The following VPS13B variants were observed in gnomAD, a reference collection of about 807,000 sequenced individuals.
The protein encoded by VPS13B is intermembrane lipid transfer protein VPS13B.
Under a neutral mutation model 426.4 loss-of-function variants are expected in VPS13B, and 285 were observed. The observed-to-expected ratio is 0.67, with a 90% CI of 0.61 to 0.74. The LOEUF (loss-of-function observed/expected upper bound fraction) is 0.74. VPS13B is among the 30% of genes least tolerant of loss of function. The pLI is 0.00. For synonymous variants in VPS13B, 1,676 were observed against 1,676.4 expected, an observed-to-expected ratio of 1.00 and a Z score of 0.01; for missense variants, 4,537 against 4,782.6, an observed-to-expected ratio of 0.95 and a Z score of 1.51.
chr8:99,118,539 C>G (rs921341707), intron 7 of VPS13B, among the ~76,000 whole-genome samples: 6 of 151,956 alleles, frequency 3.9e-5, no homozygotes, highest in Non-Finnish European at 8.8e-5. Context: ...CTAGTCATTC[C>G]CCTTTCACCT....
At chr8:99,859,207 G>GA (rs1454781321) in intron 56 of VPS13B, 97 bp from the exon 57 acceptor site, 10 of 1,463,818 alleles carry the variant, frequency 6.8e-6, no homozygotes, top group Non-Finnish European at 8.6e-6. Flanking sequence ...ATTCTAGTGT[G>GA]AAAAATGAAT....
intron 23 of VPS13B, among the ~76,000 whole-genome samples, chr8:99,462,086 C>CCCTT (rs1044962030): frequency 6.6e-6 from 1 of 150,492 alleles, no homozygotes; most frequent in Non-Finnish European, 1.5e-5. Context: ...TCCCCTCCCT[C>CCCTT]CCTTCCTTCC....
chr8:99,098,228 G>A (rs1310351857), intron 4 of VPS13B, among the ~76,000 whole-genome samples: 1 of 151,962 alleles, frequency 6.6e-6, no homozygotes, highest in Admixed American at 6.6e-5. Flanking sequence ...TTCTCTCCAG[G>A]TTTTATGGCT....
intron 25 of VPS13B, among the ~76,000 whole-genome samples, chr8:99,499,843 A>G (rs747473412): frequency 3.3e-5 from 5 of 152,306 alleles, no homozygotes; most frequent in East Asian, 3.9e-4. Context: ...TTACTTTGCT[A>G]TGCTTGGTGC....
chr8:99,045,866 G>A (rs1170009867), intron 3 of VPS13B, among the ~76,000 whole-genome samples: 1 of 152,036 alleles, frequency 6.6e-6, no homozygotes, highest in Non-Finnish European at 1.5e-5. Flanking sequence ...AAGTATTTGG[G>A]CTTATTTCTG....
chr8:99,611,265 A>C (rs1294837766), intron 33 of VPS13B, among the ~76,000 whole-genome samples: 1 of 152,170 alleles, frequency 6.6e-6, no homozygotes, highest in Non-Finnish European at 1.5e-5. Flanking sequence ...AATAGACAGG[A>C]AATAAATTAA....
Position 99,835,584 on chromosome 8 carries a change from G to A in VPS13B, c.9788G>A (p.Cys3263Tyr), listed in dbSNP as rs749573516. ...EVYCKKIPSE[C>Y]SIHHELYHQI... ...TATTGCAAAAAAATTCCCTCCGAGT[G>A]CTCAATTCATCATGAGCTGTATCAT... Residue 3263 changes from cysteine (C) to tyrosine (Y), a missense_variant, in exon 54 of 62, where the codon TGC becomes TAC. Cys to Tyr is a radical substitution (Grantham distance 194, BLOSUM62 -2). Around this residue, in one of 2 missense-constraint regions of VPS13B, gnomAD observed 4,311 missense variants for 4,474.3 expected, o/e 0.96. Transcript: ENST00000357162. The A allele has an allele frequency of 1.1e-5, 18 of 1,614,114 alleles. No individual in the cohort carries two copies. The highest frequency in any genetic ancestry group is 2.2e-5 in the South Asian group (2 of 91,066).
intron 30 of VPS13B, among the ~76,000 whole-genome samples, chr8:99,540,682 A>G (rs1303162507): frequency 6.6e-6 from 1 of 152,180 alleles, no homozygotes. Context: ...AAACTGAAGA[A>G]TTTATCAGTA....
At chr8:99,071,645 C>G (rs1413192102) in intron 3 of VPS13B, among the ~76,000 whole-genome samples, 1 of 152,168 alleles carries the variant, frequency 6.6e-6, no homozygotes. Flanking sequence ...ATGCTTGTGT[C>G]TTTCCCTTCA....
chr8:99,080,964 CTTGACAGTTCAAGGCTCTTGCA>C (rs1352323617), intron 3 of VPS13B, among the ~76,000 whole-genome samples: 1 of 152,170 alleles, frequency 6.6e-6, no homozygotes, highest in Admixed American at 6.5e-5. Flanking sequence ...CCAGTTTTAC[CTTGACAGTTCAAGGCTCTTGCA>C]TTGCTGTATT....
At chr8:99,143,641 A>G (rs1197319988) in intron 13 of VPS13B, among the ~76,000 whole-genome samples, 3 of 152,180 alleles carry the variant, frequency 2.0e-5, no homozygotes, top group Non-Finnish European at 4.4e-5. Context: ...TAAAGCAGTA[A>G]AGCAACTCTA....
intron 57 of VPS13B, 52 bp downstream of exon 57, chr8:99,859,532 T>C: frequency 6.2e-7 from 1 of 1,604,424 alleles, no homozygotes; most frequent in African/African-American, 1.3e-5. Flanking sequence ...CCTTTTTTTT[T>C]TTTTTTAAAG....
At chr8:99,522,715 A>G (rs1460798645) in intron 30 of VPS13B, among the ~76,000 whole-genome samples, 2 of 152,172 alleles carry the variant, frequency 1.3e-5, no homozygotes, top group Non-Finnish European at 2.9e-5. Flanking sequence ...CAAATGTAAA[A>G]TTCTAGATGC....
At chr8:99,368,685 A>C (rs533142985) in intron 19 of VPS13B, among the ~76,000 whole-genome samples, 2 of 152,280 alleles carry the variant, frequency 1.3e-5, no homozygotes, top group African/African-American at 4.8e-5. Context: ...TAGTGGTGCT[A>C]AATAGTGTTT....
chr8:99,230,625 CTT>C (rs1816268814), intron 17 of VPS13B, among the ~76,000 whole-genome samples: 1 of 152,226 alleles, frequency 6.6e-6, no homozygotes, highest in Non-Finnish European at 1.5e-5. Context: ...AGGCAAGTCT[CTT>C]TACCTCTTTA....
intron 16 of VPS13B, among the ~76,000 whole-genome samples, chr8:99,177,314 T>C (rs192536326): frequency 2.0e-5 from 3 of 152,340 alleles, no homozygotes; most frequent in Admixed American, 2.0e-4. Flanking sequence ...TTGTATATGT[T>C]AATGGTCTTG....
At chr8:99,549,864 C>G (rs1824185670) in intron 30 of VPS13B, among the ~76,000 whole-genome samples, 1 of 152,114 alleles carries the variant, frequency 6.6e-6, no homozygotes, top group African/African-American at 2.4e-5. Flanking sequence ...GAGATTCTTT[C>G]TTGTATGAAA....
At position 99,156,583 on chromosome 8, in the gene VPS13B, A is replaced by G. The variant is rs372585253; in HGVS notation, c.2048A>G (p.Gln683Arg). 32 of 1,613,978 alleles carry G rather than the reference A, an allele frequency of 2.0e-5. No homozygotes were observed. In the African/African-American group the frequency reaches 4.0e-4, roughly 20 times the overall value. Residue 683 changes from glutamine to arginine, a missense_variant, in exon 15 of 62, where the codon CAG becomes CGG. Gln to Arg is a conservative substitution (Grantham distance 43). This residue lies in a region of VPS13B where 4,311 missense variants were observed against 4,474.3 expected (regional missense o/e 0.96). Transcript: ENST00000357162. ...AACTTCATGAATACTACAAACTTCC[A>G]GTCTCTTCGGCCTTTGCCATCCATT... The part of the protein sequence containing the change: ...SSNFMNTTNF[Q>R]SLRPLPSIRI...
chr8:99,837,688 G>C (rs1022266997), intron 54 of VPS13B, among the ~76,000 whole-genome samples: 3 of 152,100 alleles, frequency 2.0e-5, no homozygotes, highest in Non-Finnish European at 4.4e-5. Context: ...TGCAGACCGT[G>C]GTTTACTTCC....
Sources: gnomAD v4.1 joint callset for allele counts (sites outside exome capture counted in the v4.1 genomes callset) on GRCh38, gnomAD v4.1.1 for gene constraint, gnomAD v4.1.1 regional missense constraint, MANE v1.5 for transcripts, NCBI Gene and HGNC (gene_info 2026-07-23, HGNC 2026-07-21) for gene names.